Variants in ANKS1B observed in about 807,000 individuals in gnomAD.
The protein encoded by ANKS1B is ankyrin repeat and sterile alpha motif domain-containing protein 1B.
In ANKS1B, 36 loss-of-function variants were observed where a neutral mutation model predicts 148.3. The ratio of observed to expected loss-of-function variants is 0.24; its 90% CI spans 0.19 to 0.32. The LOEUF is 0.32. ANKS1B is among the 10% of genes least tolerant of loss of function. ANKS1B has a pLI of 1.00. For synonymous variants in ANKS1B, 542 were observed against 560.8 expected (o/e 0.97, Z 0.47); for missense variants, 1,157 against 1,542.6 (o/e 0.75, Z 4.19).
intron 10 of ANKS1B, among the ~76,000 whole-genome samples, chr12:99,486,518 T>G (rs1240231473): frequency 2.6e-5 from 4 of 152,088 alleles, no homozygotes; most frequent in African/African-American, 4.8e-5. Context: ...TTTTATTTGC[T>G]GGTTTGATGG....
Position 99,718,263 on chromosome 12 carries a change from G to A in ANKS1B, c.1128+54659C>T, listed in dbSNP as rs1439783960. On this transcript the variant is annotated intron_variant, in intron 8 of 26. Transcript: ENST00000683438. ...ACCTGCCCAGTTCCCTTATTAGGCC[G>A]AGACATTTAACTAAATTATCTGCTT... 7.9e-5 allele frequency among the ~76,000 whole-genome samples: 12 copies of A among 152,200 alleles called. No homozygotes were observed. In the South Asian group the frequency reaches 1.5e-3, roughly 18 times the overall value.
At chr12:99,669,228 T>A (rs192753739) in intron 8 of ANKS1B, among the ~76,000 whole-genome samples, 1 of 152,264 alleles carries the variant, frequency 6.6e-6, no homozygotes, top group East Asian at 1.9e-4. Flanking sequence ...TGGAGTGCAG[T>A]CATACAATCA....
At chr12:99,409,932 G>A (rs143403086) in intron 11 of ANKS1B, among the ~76,000 whole-genome samples, 21 of 152,118 alleles carry the variant, frequency 1.4e-4, no homozygotes, top group African/African-American at 4.8e-4. Flanking sequence ...ACTTGTGTTC[G>A]TTGTGGCTTC....
chr12:99,773,988 T>C (rs960011103), intron 7 of ANKS1B, among the ~76,000 whole-genome samples: 6 of 152,050 alleles, frequency 3.9e-5, no homozygotes, highest in African/African-American at 1.2e-4. Flanking sequence ...TCATCCCCTA[T>C]GTAAAAATCA....
chr12:99,653,514 C>T (rs2153441587), intron 9 of ANKS1B, among the ~76,000 whole-genome samples: 1 of 152,170 alleles, frequency 6.6e-6, no homozygotes, highest in South Asian at 2.1e-4. Flanking sequence ...AGGTAAAAAA[C>T]TATATGTAAA....
intron 1 of ANKS1B, among the ~76,000 whole-genome samples, chr12:99,863,739 G>C (rs1410888353): frequency 6.6e-6 from 1 of 150,962 alleles, no homozygotes; most frequent in Non-Finnish European, 1.5e-5. Flanking sequence ...AAAAATTCTT[G>C]CCAAATTATA....
chr12:99,575,069 T>C (rs978267887), intron 9 of ANKS1B, among the ~76,000 whole-genome samples: 1 of 151,960 alleles, frequency 6.6e-6, no homozygotes, highest in African/African-American at 2.4e-5. Flanking sequence ...TATACCAAAT[T>C]TGCAACATAC....
At chr12:99,836,399 A>G (rs1008272868) in intron 1 of ANKS1B, among the ~76,000 whole-genome samples, 2 of 152,166 alleles carry the variant, frequency 1.3e-5, no homozygotes, top group African/African-American at 4.8e-5. Context: ...CAAAAAGCAC[A>G]TCAGGAGCAT....
chr12:99,872,856 C>T lies in ANKS1B; in HGVS notation c.135-47467G>A, dbSNP rs372926431. Among the ~76,000 whole-genome samples the T allele has an allele frequency of 5.9e-5, 9 of 152,180 alleles. No homozygotes were observed. The South Asian group carries it at 1.7e-3, about 28-fold the overall frequency. On this transcript the variant is annotated intron_variant, in intron 1 of 26. Transcript: ENST00000683438. ...TATAGATACACCAATCCTAAGTAAA[C>T]ATTTTTAAATAAAATGATGAGGGTC...
intron 9 of ANKS1B, among the ~76,000 whole-genome samples, chr12:99,542,971 G>T (rs760867632): frequency 6.6e-6 from 1 of 151,970 alleles, no homozygotes; most frequent in African/African-American, 2.4e-5. Context: ...AGTAACAAAA[G>T]AAATAAATAA....
At chr12:98,757,937 CGTGTGTGT>C (rs34397440) in intron 25 of ANKS1B, among the ~76,000 whole-genome samples, 7 of 113,094 alleles carry the variant, frequency 6.2e-5, no homozygotes, top group South Asian at 2.7e-4. Flanking sequence ...CATGTGTGCA[CGTGTGTGT>C]GTGTGTGTGT....
intron 14 of ANKS1B, among the ~76,000 whole-genome samples, chr12:99,220,076 C>T (rs1322746414): frequency 6.6e-6 from 1 of 152,078 alleles, no homozygotes; most frequent in African/African-American, 2.4e-5. Flanking sequence ...CTTGGCTCAC[C>T]ACAACCTCCA....
chr12:98,744,821 A>AAAAC lies in ANKS1B; in HGVS notation c.*914_*917dup. On this transcript the variant is annotated 3_prime_UTR_variant, in exon 27 of 27. Coordinates refer to ENST00000683438, the MANE Select transcript of ANKS1B (RefSeq NM_001352186.2). Reference sequence around the variant, plus strand: ...TTTTTTTTTTTTTAACATGTTCTTTAAAACACTGTGAAGATTAAAAAACAA... The same window carrying AAAAC: ...TTTTTTTTTTTTTAACATGTTCTTTAAAACAAACACTGTGAAGATTAAAAAACAA... 1.0e-6 allele frequency: 1 copy of AAAAC among 983,812 alleles called. No homozygotes were observed. The highest frequency in any genetic ancestry group is 1.2e-6 in the Non-Finnish European group (1 of 829,480). 60.9% of individuals were successfully genotyped at this position (983,812 alleles called of 1,614,324 possible).
chr12:98,963,720 A>C (rs1473438687), intron 17 of ANKS1B, among the ~76,000 whole-genome samples: 1 of 152,230 alleles, frequency 6.6e-6, no homozygotes. Flanking sequence ...GAGACAGCCC[A>C]TTTAATGGGA....
chr12:98,924,190 A>G (rs2152924980), intron 17 of ANKS1B, among the ~76,000 whole-genome samples: 1 of 152,182 alleles, frequency 6.6e-6, no homozygotes, highest in East Asian at 1.9e-4. Context: ...GATTGGGTGA[A>G]GCCCCCAGCT....
chr12:99,003,976 C>T (rs1435493429), intron 17 of ANKS1B, among the ~76,000 whole-genome samples: 3 of 152,106 alleles, frequency 2.0e-5, no homozygotes, highest in Non-Finnish European at 2.9e-5. Context: ...AGAAAGCTGG[C>T]GAAGGATTCT....
At chr12:98,958,494 T>C (rs2099866070) in intron 17 of ANKS1B, among the ~76,000 whole-genome samples, 1 of 152,176 alleles carries the variant, frequency 6.6e-6, no homozygotes, top group African/African-American at 2.4e-5. Context: ...AAAACCATAG[T>C]CTCCAAATTG....
intron 25 of ANKS1B, among the ~76,000 whole-genome samples, chr12:98,752,588 A>G (rs1403951374): frequency 6.6e-6 from 1 of 152,086 alleles, no homozygotes; most frequent in East Asian, 1.9e-4. Flanking sequence ...GGCAAAATAA[A>G]TTGACTGAGA....
intron 8 of ANKS1B, among the ~76,000 whole-genome samples, chr12:99,724,701 T>C (rs2058446254): frequency 1.3e-5 from 2 of 151,538 alleles, no homozygotes; most frequent in Admixed American, 1.3e-4. Context: ...AGACACATAA[T>C]CATTAGATTC....
Sources: allele counts gnomAD v4.1 joint callset (sites outside exome capture counted in the v4.1 genomes callset), GRCh38; gene constraint gnomAD v4.1.1; transcripts MANE v1.5; gene names NCBI Gene and HGNC (gene_info 2026-07-23, HGNC 2026-07-21).